The following TNIK variants were observed in gnomAD, a reference collection of about 807,000 sequenced individuals.
TNIK encodes the protein TRAF2 and NCK-interacting protein kinase.
In TNIK, 49 loss-of-function variants were observed where a neutral mutation model predicts 191.3. That is an observed-to-expected ratio of 0.26 (90% CI 0.20 to 0.32). The LOEUF (loss-of-function observed/expected upper bound fraction) is 0.32, where lower values mean the gene tolerates loss of function less well. Among genes scored for constraint, TNIK ranks in the 10% least tolerant of loss-of-function variants. The probability of loss-of-function intolerance (pLI) is 1.00; values close to 1 mark genes in which losing one functional copy is unlikely to be tolerated. For missense variants in TNIK, 1,155 were observed against 1,702.3 expected, an observed-to-expected ratio of 0.68 and a Z score of 5.66; for synonymous variants, 594 against 600.9, an observed-to-expected ratio of 0.99 and a Z score of 0.17.
intron 1 of TNIK, among the ~76,000 whole-genome samples, chr3:171,376,605 T>G (rs530378488): frequency 6.6e-6 from 1 of 152,214 alleles, no homozygotes; most frequent in Non-Finnish European, 1.5e-5. Flanking sequence ...TGAGAAAAGG[T>G]GCTCCAAGAG....
chr3:171,321,274 G>A (rs1269568460), intron 2 of TNIK, among the ~76,000 whole-genome samples: 1 of 151,946 alleles, frequency 6.6e-6, no homozygotes, highest in Admixed American at 6.6e-5. Flanking sequence ...AAATTCCAAG[G>A]TCAAAGGCAG....
chr3:171,089,827 G>A (rs1329492983), intron 23 of TNIK, among the ~76,000 whole-genome samples: 3 of 152,188 alleles, frequency 2.0e-5, no homozygotes, highest in Non-Finnish European at 2.9e-5. Context: ...CACATGCCAA[G>A]TACTGTGCTA....
At chr3:171,330,170 C>CT (rs1400718302) in intron 2 of TNIK, among the ~76,000 whole-genome samples, 1 of 152,196 alleles carries the variant, frequency 6.6e-6, no homozygotes, top group African/African-American at 2.4e-5. Flanking sequence ...TGGAGAAGGC[C>CT]TAGCTGTGCT....
chr3:171,232,668 T>C (rs2109005808), intron 2 of TNIK, among the ~76,000 whole-genome samples: 1 of 152,260 alleles, frequency 6.6e-6, no homozygotes, highest in Admixed American at 6.5e-5. Flanking sequence ...AAGAAAGGCA[T>C]CAAAACAAGG....
intron 12 of TNIK, among the ~76,000 whole-genome samples, chr3:171,146,482 G>A (rs755297414): frequency 4.6e-5 from 7 of 152,136 alleles, no homozygotes; most frequent in Non-Finnish European, 8.8e-5. Flanking sequence ...TGGGATAGAG[G>A]GGTAGGCAAG....
At chr3:171,201,555 T>A (rs1005065409) in intron 4 of TNIK, among the ~76,000 whole-genome samples, 2 of 152,224 alleles carry the variant, frequency 1.3e-5, no homozygotes, top group African/African-American at 4.8e-5. Context: ...CTCATCTGCA[T>A]GATTTATGAT....
chr3:171,186,435 G>C (rs1737378453), intron 7 of TNIK, among the ~76,000 whole-genome samples: 1 of 152,138 alleles, frequency 6.6e-6, no homozygotes, highest in Non-Finnish European at 1.5e-5. Context: ...AGACCACTAT[G>C]AATTTTTTTA....
intron 2 of TNIK, among the ~76,000 whole-genome samples, chr3:171,316,920 CA>C (rs1754666028): frequency 1.1e-5 from 1 of 91,614 alleles, no homozygotes; most frequent in Non-Finnish European, 2.1e-5. Context: ...TGATATATAT[CA>C]TATAAAATAT....
intron 2 of TNIK, among the ~76,000 whole-genome samples, chr3:171,367,851 T>C (rs114851351): frequency 0.012 from 1,829 of 152,268 alleles, 31 homozygotes; most frequent in African/African-American, 0.042. Context: ...ATGGGGCTGG[T>C]AAAAGAGAGC....
At chr3:171,432,009 C>A (rs1005369520) in intron 1 of TNIK, among the ~76,000 whole-genome samples, 1 of 152,122 alleles carries the variant, frequency 6.6e-6, no homozygotes, top group African/African-American at 2.4e-5. Context: ...ACATGCAAAA[C>A]GTAATATATA....
At chr3:171,177,195 T>C (rs1736069953) in intron 8 of TNIK, 131 bp downstream of exon 8, 1 of 811,968 alleles carries the variant, frequency 1.2e-6, no homozygotes, top group Non-Finnish European at 1.8e-6. Context: ...CTCTGCTTTC[T>C]AAATATGCCA....
intron 2 of TNIK, among the ~76,000 whole-genome samples, chr3:171,343,733 T>A (rs192973848): frequency 1.2e-3 from 184 of 152,290 alleles, no homozygotes; most frequent in Middle Eastern, 3.4e-3. Flanking sequence ...GAGTTATATA[T>A]CCTAATGGAG....
chr3:171,120,507 G>T (rs924925652), intron 18 of TNIK, among the ~76,000 whole-genome samples: 6 of 152,054 alleles, frequency 3.9e-5, no homozygotes, highest in Non-Finnish European at 7.4e-5. Flanking sequence ...TTTTAGTAGA[G>T]ACGGGGTTTC....
intron 4 of TNIK, among the ~76,000 whole-genome samples, chr3:171,197,109 TC>T (rs1279992418): frequency 1.2e-4 from 18 of 152,332 alleles, no homozygotes; most frequent in African/African-American, 4.3e-4. Context: ...GAAGTTCTTA[TC>T]TTTTAGAGAA....
At chr3:171,167,411 G>T (rs1734743920) in intron 9 of TNIK, 141 bp from the exon 10 acceptor site, 4 of 1,021,168 alleles carry the variant, frequency 3.9e-6, no homozygotes, top group African/African-American at 1.6e-5. Flanking sequence ...TCAGAAAACA[G>T]TTGTAGCACT....
intron 21 of TNIK, among the ~76,000 whole-genome samples, chr3:171,103,187 C>A (rs1723895368): frequency 4.0e-5 from 6 of 151,496 alleles, no homozygotes; most frequent in Admixed American, 4.0e-4. Flanking sequence ...AGGGCTTTTG[C>A]ACACATGCAC....
At chr3:171,345,055 A>C (rs1458166792) in intron 2 of TNIK, among the ~76,000 whole-genome samples, 1 of 152,126 alleles carries the variant, frequency 6.6e-6, no homozygotes, top group Non-Finnish European at 1.5e-5. Context: ...ACACAGTGAC[A>C]TCTATGGTCT....
chr3:171,085,299 T>G lies in TNIK; in HGVS notation c.2887-70A>C. The G allele has an allele frequency of 2.1e-6, 3 of 1,400,018 alleles. No individual in the cohort carries two copies. The South Asian group carries it at 4.1e-5, about 19-fold the overall frequency. The allele number at this position is 1,400,018 out of a possible 1,614,324, so 86.7% of individuals were successfully genotyped here. On this transcript the variant is annotated intron_variant, in intron 24 of 32. Transcript: ENST00000436636. ...AGGAATAACAATGCTAACAATACTG[T>G]GCTTGGGCTGTAAAACGATCACAGA...
intron 2 of TNIK, among the ~76,000 whole-genome samples, chr3:171,335,309 T>C (rs1756852561): frequency 6.6e-6 from 1 of 152,180 alleles, no homozygotes; most frequent in Admixed American, 6.5e-5. Context: ...CTTGTTGAGG[T>C]ATAATCTATG....
Sources: gnomAD v4.1 joint callset for allele counts (sites outside exome capture counted in the v4.1 genomes callset) on GRCh38, gnomAD v4.1.1 for gene constraint, MANE v1.5 for transcripts, NCBI Gene and HGNC (gene_info 2026-07-23, HGNC 2026-07-21) for gene names.